Variants in CCPG1 observed in about 807,000 individuals in gnomAD.
CCPG1 encodes the protein cell cycle progression 1.
CCPG1 carries 46 observed loss-of-function variants against 81.3 expected under a neutral mutation model. The ratio of observed to expected loss-of-function variants is 0.57; its 90% CI spans 0.45 to 0.72. The LOEUF (loss-of-function observed/expected upper bound fraction) is 0.72. CCPG1 is among the 30% of genes least tolerant of loss of function. The pLI is 0.00. For missense variants in CCPG1, 902 were observed against 937.6 expected (o/e 0.96, Z 0.50); for synonymous variants, 330 against 305.2 (o/e 1.08, Z -0.85).
intron 8 of CCPG1, chr15:55,359,136 C>T: frequency 1.0e-6 from 1 of 982,352 alleles, no homozygotes; most frequent in African/African-American, 1.7e-5. Flanking sequence ...CTTCTGACTT[C>T]AGAGTAAAAT....
chr15:55,370,233 T>A (rs560389862), intron 6 of CCPG1, among the ~76,000 whole-genome samples: 1 of 152,294 alleles, frequency 6.6e-6, no homozygotes, highest in Non-Finnish European at 1.5e-5. Context: ...TTTCCACAAA[T>A]CCACATAGGG....
At chr15:55,371,753 A>T (rs1480602322) in intron 6 of CCPG1, 40 bp downstream of exon 6, 1 of 1,591,442 alleles carries the variant, frequency 6.3e-7, no homozygotes, top group Non-Finnish European at 8.6e-7. Flanking sequence ...CCTCTACACT[A>T]TCCCATCAGG....
At position 55,398,136 on chromosome 15, in the gene CCPG1, T is replaced by C. The variant is rs1457514429; in HGVS notation, c.-9-8703A>G. The C allele has an allele frequency of 1.6e-4, 25 of 152,200 alleles. 1 individual carries two copies. Among genetic ancestry groups the C allele is most frequent in the Admixed American group, 1.6e-3 (25 of 15,274 alleles). The allele number at this position is 152,200 out of a possible 1,614,324, so 9.4% of individuals were successfully genotyped here. A position where few individuals can be genotyped will look rare whatever the true frequency, so the allele number is the denominator to read the frequency against. On this transcript the variant is annotated intron_variant, in intron 1 of 8. Coordinates refer to ENST00000442196, the MANE Select transcript of CCPG1 (RefSeq NM_001204450.2). ...CTAAATAAGTCATTTAAAAACACTTTGGTGGAGCCTGTCAAAATCTGTAAG... is the reference window on the plus strand; with the variant it reads ...CTAAATAAGTCATTTAAAAACACTTCGGTGGAGCCTGTCAAAATCTGTAAG...
chr15:55,361,776 T>C (rs1014613707), intron 7 of CCPG1, among the ~76,000 whole-genome samples: 1 of 152,164 alleles, frequency 6.6e-6, no homozygotes, highest in African/African-American at 2.4e-5. Context: ...AAATTGTTTG[T>C]ACTCAGTGTA....
chr15:55,375,972 G>T (rs1431164524), intron 5 of CCPG1, among the ~76,000 whole-genome samples: 1 of 152,160 alleles, frequency 6.6e-6, no homozygotes, highest in East Asian at 1.9e-4. Context: ...TTACTGGCAT[G>T]AGCCACTATG....
intron 6 of CCPG1, among the ~76,000 whole-genome samples, chr15:55,369,466 C>T (rs372121919): frequency 6.6e-6 from 1 of 150,918 alleles, no homozygotes; most frequent in Admixed American, 6.6e-5. Flanking sequence ...ACCCGGGAGG[C>T]GAAGGTTGCG....
intron 6 of CCPG1, 28 bp downstream of exon 6, chr15:55,371,765 T>G: frequency 6.2e-7 from 1 of 1,606,092 alleles, no homozygotes; most frequent in South Asian, 1.1e-5. Context: ...CCCATCAGGT[T>G]ATGTATAACA....
At chr15:55,403,542 GA>G (rs759027487) in intron 1 of CCPG1, among the ~76,000 whole-genome samples, 1 of 152,032 alleles carries the variant, frequency 6.6e-6, no homozygotes, top group African/African-American at 2.4e-5. Flanking sequence ...CCCTTTGGGG[GA>G]AAAAATCCCT....
intron 5 of CCPG1, 90 bp from the exon 6 acceptor site, chr15:55,372,134 T>C: frequency 8.1e-7 from 1 of 1,241,830 alleles, no homozygotes; most frequent in Non-Finnish European, 1.1e-6. Flanking sequence ...TGCCATCCCT[T>C]ACATGCCTTT....
At chr15:55,392,273 G>A (rs1365928205) in intron 1 of CCPG1, among the ~76,000 whole-genome samples, 17 of 144,714 alleles carry the variant, frequency 1.2e-4, no homozygotes, top group South Asian at 4.3e-4. Context: ...GTGCAGTGGC[G>A]TCATCTCGGC....
intron 7 of CCPG1, among the ~76,000 whole-genome samples, 182 bp downstream of exon 7, chr15:55,365,006 G>C (rs1242641006): frequency 2.0e-5 from 3 of 152,154 alleles, no homozygotes; most frequent in Non-Finnish European, 4.4e-5. Context: ...GTGAGAATAA[G>C]AGAAATACTC....
chr15:55,374,575 C>A (rs1468115158), intron 5 of CCPG1, among the ~76,000 whole-genome samples: 1 of 152,122 alleles, frequency 6.6e-6, no homozygotes, highest in African/African-American at 2.4e-5. Flanking sequence ...AAGGAAAAAA[C>A]AAAATTAAGC....
intron 1 of CCPG1, among the ~76,000 whole-genome samples, chr15:55,407,247 A>T (rs1455421452): frequency 2.0e-5 from 3 of 149,470 alleles, no homozygotes; most frequent in Admixed American, 6.7e-5. Flanking sequence ...AAAAAATATG[A>T]ATTAAAATAA....
chr15:55,357,955 CCTTTT>C (rs1446248506), intron 8 of CCPG1: 1 of 152,204 alleles, frequency 6.6e-6, no homozygotes, highest in Non-Finnish European at 1.5e-5. Flanking sequence ...TGTGAATCAT[CCTTTT>C]CTTGTGTATT....
intron 6 of CCPG1, among the ~76,000 whole-genome samples, chr15:55,367,105 T>C (rs1429491067): frequency 3.3e-5 from 5 of 152,218 alleles, no homozygotes; most frequent in African/African-American, 1.2e-4. Flanking sequence ...TATGATATTC[T>C]GTGTTAGAAT....
At chr15:55,394,166 T>C (rs1285062731) in intron 1 of CCPG1, among the ~76,000 whole-genome samples, 1 of 152,116 alleles carries the variant, frequency 6.6e-6, no homozygotes, top group African/African-American at 2.4e-5. Context: ...CTAATTTCTT[T>C]TTAAGAGTCG....
intron 6 of CCPG1, among the ~76,000 whole-genome samples, chr15:55,369,585 T>C (rs1321652234): frequency 6.6e-6 from 1 of 152,190 alleles, no homozygotes; most frequent in Non-Finnish European, 1.5e-5. Context: ...AAAAGTCATT[T>C]AGGTCAGGTC....
intron 5 of CCPG1, 67 bp downstream of exon 5, chr15:55,376,882 A>C: frequency 8.8e-7 from 1 of 1,141,494 alleles, no homozygotes; most frequent in Middle Eastern, 2.0e-4. Flanking sequence ...TATTAGGGGT[A>C]GAAAACAAGC....
At chr15:55,387,981 G>A (rs1371353455) in intron 2 of CCPG1, among the ~76,000 whole-genome samples, 3 of 151,360 alleles carry the variant, frequency 2.0e-5, no homozygotes, top group Admixed American at 1.3e-4. Flanking sequence ...GAGAAACCCC[G>A]TCTCTACTAA....
Sources: gnomAD v4.1 joint callset for allele counts (sites outside exome capture counted in the v4.1 genomes callset) on GRCh38, gnomAD v4.1.1 for gene constraint, MANE v1.5 for transcripts, NCBI Gene and HGNC (gene_info 2026-07-23, HGNC 2026-07-21) for gene names.